The following GRIN2A variants were observed in gnomAD, a reference collection of about 807,000 sequenced individuals.
GRIN2A encodes the protein glutamate receptor ionotropic, NMDA 2A.
GRIN2A carries 22 observed loss-of-function variants against 113.4 expected under a neutral mutation model. That is an observed-to-expected ratio of 0.19 (90% CI 0.14 to 0.28). The LOEUF (loss-of-function observed/expected upper bound fraction) is 0.28, where lower values mean the gene tolerates loss of function less well. Among genes scored for constraint, GRIN2A ranks in the 10% least tolerant of loss-of-function variants. The pLI is 1.00. For synonymous variants in GRIN2A, 827 were observed against 738.4 expected, an observed-to-expected ratio of 1.12 and a Z score of -1.94; for missense variants, 1,502 against 1,887.0, an observed-to-expected ratio of 0.80 and a Z score of 3.78.
At chr16:9,810,927 G>A (rs1332223460) in intron 10 of GRIN2A, among the ~76,000 whole-genome samples, 2 of 152,148 alleles carry the variant, frequency 1.3e-5, no homozygotes, top group Admixed American at 6.5e-5. Flanking sequence ...GTTGGCCCCG[G>A]GCACTTTCCA....
intron 11 of GRIN2A, among the ~76,000 whole-genome samples, chr16:9,776,222 T>A (rs190843554): frequency 1.1e-4 from 16 of 151,928 alleles, no homozygotes; most frequent in African/African-American, 3.6e-4. Context: ...AAGTCTTCCC[T>A]GAAGGCACAG....
rs557792892 is a variant in GRIN2A, at chr16:10,036,726, G to A, written c.415-98175C>T. Among the ~76,000 whole-genome samples, 7 of 151,928 alleles carry A rather than the reference G, an allele frequency of 4.6e-5. No homozygotes were observed. In the East Asian group the frequency reaches 7.7e-4, roughly 17 times the overall value. ...CTCCCAAAATGCTGGGACTACAGGCGTGAGCCACCGTGCCTGGCCAGTATT... is the reference window on the plus strand; with the variant it reads ...CTCCCAAAATGCTGGGACTACAGGCATGAGCCACCGTGCCTGGCCAGTATT... On this transcript the variant is annotated intron_variant, in intron 2 of 12. Transcript: ENST00000330684.
chr16:9,926,363 A>AAG (rs1367126329), intron 3 of GRIN2A, among the ~76,000 whole-genome samples: 2 of 152,204 alleles, frequency 1.3e-5, no homozygotes, highest in African/African-American at 4.8e-5. Flanking sequence ...GCGCCTCTCC[A>AAG]ATCTTGGGAA....
intron 2 of GRIN2A, among the ~76,000 whole-genome samples, chr16:9,986,987 G>T (rs757362586): frequency 2.6e-5 from 4 of 152,020 alleles, no homozygotes; most frequent in Non-Finnish European, 4.4e-5. Flanking sequence ...CAGCACCACT[G>T]AATCAGAATC....
At chr16:9,945,785 A>G (rs2045004443) in intron 2 of GRIN2A, among the ~76,000 whole-genome samples, 1 of 152,312 alleles carries the variant, frequency 6.6e-6, no homozygotes, top group Non-Finnish European at 1.5e-5. Flanking sequence ...GGAGTCTTTC[A>G]GGCTTTCCCA....
chr16:9,814,876 A>C (rs1229379517), intron 10 of GRIN2A, among the ~76,000 whole-genome samples: 1 of 152,036 alleles, frequency 6.6e-6, no homozygotes. Context: ...CAAAATTGAC[A>C]GGGCATGGTG....
chr16:10,069,248 G>A (rs1166236451), intron 2 of GRIN2A, among the ~76,000 whole-genome samples: 5 of 152,152 alleles, frequency 3.3e-5, no homozygotes, highest in Non-Finnish European at 7.3e-5. Flanking sequence ...TGGAGATGAG[G>A]AAGGATCTGA....
At chr16:10,014,288 A>T (rs1057151932) in intron 2 of GRIN2A, among the ~76,000 whole-genome samples, 2 of 152,182 alleles carry the variant, frequency 1.3e-5, no homozygotes, top group African/African-American at 4.8e-5. Context: ...TTATAACCTA[A>T]ATGCAAGACC....
chr16:10,176,814 G>A (rs1054469359), intron 2 of GRIN2A, among the ~76,000 whole-genome samples: 3 of 151,964 alleles, frequency 2.0e-5, no homozygotes, highest in Non-Finnish European at 2.9e-5. Context: ...AAACCTGCAC[G>A]TTGTGCACAT....
chr16:10,015,861 T>G (rs1326137883), intron 2 of GRIN2A, among the ~76,000 whole-genome samples: 1 of 152,022 alleles, frequency 6.6e-6, no homozygotes, highest in Non-Finnish European at 1.5e-5. Flanking sequence ...CTGGGCATAG[T>G]GGCTCACACT....
chr16:9,860,459 A>AAAAG (rs1443876081), intron 4 of GRIN2A, among the ~76,000 whole-genome samples: 4 of 150,038 alleles, frequency 2.7e-5, no homozygotes, highest in African/African-American at 9.7e-5. Context: ...AAAAAAAAAA[A>AAAAG]AAAAAAAAAA....
chr16:9,834,334 C>A (rs1314894879), intron 7 of GRIN2A, 104 bp from the exon 8 acceptor site: 7 of 1,056,040 alleles, frequency 6.6e-6, no homozygotes, highest in African/African-American at 1.6e-5. Context: ...AAAATATTTT[C>A]TCTAATTTGA....
chr16:10,093,236 G>C (rs944390801), intron 2 of GRIN2A, among the ~76,000 whole-genome samples: 1 of 152,134 alleles, frequency 6.6e-6, no homozygotes, highest in Non-Finnish European at 1.5e-5. Context: ...TAACAGATGG[G>C]GTAGGTACCA....
chr16:9,810,636 G>A (rs1194648122), intron 10 of GRIN2A, among the ~76,000 whole-genome samples: 2 of 152,134 alleles, frequency 1.3e-5, no homozygotes, highest in African/African-American at 4.8e-5. Flanking sequence ...ACACCTGGAG[G>A]CACCAGAAAC....
chr16:10,176,773 C>G (rs901833939), intron 2 of GRIN2A, among the ~76,000 whole-genome samples: 1 of 151,930 alleles, frequency 6.6e-6, no homozygotes, highest in Non-Finnish European at 1.5e-5. Flanking sequence ...GGGTGCAGCA[C>G]ACCAACATGG....
At chr16:10,035,793 G>C (rs1008401052) in intron 2 of GRIN2A, among the ~76,000 whole-genome samples, 1 of 149,908 alleles carries the variant, frequency 6.7e-6, no homozygotes, top group East Asian at 2.0e-4. Context: ...GTATGATCTT[G>C]GCTCACTGCA....
At chr16:10,020,188 TG>T (rs1328181295) in intron 2 of GRIN2A, among the ~76,000 whole-genome samples, 1 of 152,000 alleles carries the variant, frequency 6.6e-6, no homozygotes, top group Non-Finnish European at 1.5e-5. Flanking sequence ...CTGAGATGGG[TG>T]GATGACGAGG....
chr16:9,949,955 A>G (rs2045138155), intron 2 of GRIN2A, among the ~76,000 whole-genome samples: 1 of 152,174 alleles, frequency 6.6e-6, no homozygotes, highest in South Asian at 2.1e-4. Flanking sequence ...GCTCAGAGGT[A>G]GAACTGAGTG....
chr16:10,135,496 C>T (rs1032683450), intron 2 of GRIN2A, among the ~76,000 whole-genome samples: 1 of 152,198 alleles, frequency 6.6e-6, no homozygotes, highest in African/African-American at 2.4e-5. Flanking sequence ...CTAGCCTCTG[C>T]CCAACACACA....
Sources: gnomAD v4.1 joint callset for allele counts (sites outside exome capture counted in the v4.1 genomes callset) on GRCh38, gnomAD v4.1.1 for gene constraint, MANE v1.5 for transcripts, NCBI Gene and HGNC (gene_info 2026-07-23, HGNC 2026-07-21) for gene names.